Variants in MAST4 observed in about 807,000 individuals in gnomAD.
MAST4 encodes microtubule-associated serine/threonine-protein kinase 4.
Under a neutral mutation model 162.7 loss-of-function variants are expected in MAST4, and 89 were observed. That is an observed-to-expected ratio of 0.55 (90% CI 0.46 to 0.65). The LOEUF (loss-of-function observed/expected upper bound fraction) is 0.65. Ranked by LOEUF, MAST4 falls within the 30% of genes least tolerant of loss-of-function variation. The pLI, the probability that MAST4 is intolerant of heterozygous loss-of-function variation, is 0.00. For synonymous variants in MAST4, 1,479 were observed against 1,361.1 expected, an observed-to-expected ratio of 1.09 and a Z score of -1.91; for missense variants, 3,153 against 3,374.0, an observed-to-expected ratio of 0.93 and a Z score of 1.62.
Position 66,750,670 on chromosome 5 carries a change from T to C in MAST4, c.364-9039T>C, listed in dbSNP as rs573317552. On this transcript the variant is annotated intron_variant, in intron 1 of 28. Coordinates refer to ENST00000403625, the MANE Select transcript of MAST4 (RefSeq NM_001164664.2). ...ACGCCCACGGAGTCTCCCTGATTGCTAGCACAGCAGTCTGAGATCAAACTG... is the reference window on the plus strand; with the variant it reads ...ACGCCCACGGAGTCTCCCTGATTGCCAGCACAGCAGTCTGAGATCAAACTG... 3.3e-5 allele frequency among the ~76,000 whole-genome samples: 5 copies of C among 152,286 alleles called. No individual in the cohort carries two copies. In the South Asian group the frequency reaches 1.0e-3, roughly 32 times the overall value.
At position 66,773,563 on chromosome 5, in the gene MAST4, G is replaced by A. The variant is rs967969574; in HGVS notation, c.517+13701G>A. On this transcript the variant is annotated intron_variant, in intron 2 of 28. Transcript: ENST00000403625. ...ATGGTTTGTGTCCTCTCTAAAATTC[G>A]GGTGTTGCCAGTTTGATAGTATTTA... Among the ~76,000 whole-genome samples, 4 of 152,272 alleles carry A rather than the reference G, an allele frequency of 2.6e-5. No individual in the cohort carries two copies. In the East Asian group the frequency reaches 5.8e-4, roughly 22 times the overall value.
chr5:66,748,320 A>G (rs1752892591), intron 1 of MAST4, among the ~76,000 whole-genome samples: 1 of 151,524 alleles, frequency 6.6e-6, no homozygotes, highest in Admixed American at 6.6e-5. Flanking sequence ...GAAGGATGCT[A>G]TGCAATATAG....
intron 1 of MAST4, among the ~76,000 whole-genome samples, chr5:66,605,655 TTTA>T (rs1335571773): frequency 6.6e-6 from 1 of 152,122 alleles, no homozygotes; most frequent in Non-Finnish European, 1.5e-5. Flanking sequence ...GCTACCCTGG[TTTA>T]TTGTTGCTTG....
At chr5:66,958,823 T>C (rs987011360) in intron 4 of MAST4, 1 of 166,544 alleles carries the variant, frequency 6.0e-6, no homozygotes, top group Non-Finnish European at 1.3e-5. Flanking sequence ...TGGGGAATAG[T>C]TGACGTGTGC....
At chr5:66,766,063 CT>C (rs1404080372) in intron 2 of MAST4, among the ~76,000 whole-genome samples, 6 of 152,268 alleles carry the variant, frequency 3.9e-5, no homozygotes, top group Non-Finnish European at 8.8e-5. Flanking sequence ...TATAGAGACC[CT>C]TAAGTCTGGG....
intron 3 of MAST4, among the ~76,000 whole-genome samples, chr5:66,855,238 G>A (rs911793586): frequency 6.6e-6 from 1 of 152,128 alleles, no homozygotes; most frequent in African/African-American, 2.4e-5. Flanking sequence ...TTAAAAGTGT[G>A]TGGCATCTTC....
chr5:67,003,773 A>C (rs1751565843), intron 4 of MAST4: 1 of 152,208 alleles, frequency 6.6e-6, no homozygotes. Context: ...ACGTACTTGA[A>C]GGGGCAATAC....
intron 3 of MAST4, chr5:66,870,858 T>G (rs771394760): frequency 1.7e-5 from 8 of 471,274 alleles, no homozygotes; most frequent in South Asian, 1.2e-4. Flanking sequence ...CAAAAGTGAG[T>G]GTGTCCTGTT....
At chr5:66,659,723 A>G (rs1746782925) in intron 1 of MAST4, among the ~76,000 whole-genome samples, 1 of 152,266 alleles carries the variant, frequency 6.6e-6, no homozygotes, top group South Asian at 2.1e-4. Context: ...TGAAGAAAGC[A>G]TAGTCTTCAC....
chr5:66,798,886 C>T (rs1755781432), intron 3 of MAST4, among the ~76,000 whole-genome samples: 1 of 152,118 alleles, frequency 6.6e-6, no homozygotes, highest in Non-Finnish European at 1.5e-5. Flanking sequence ...TGTAAGTTGA[C>T]ATTTTTCCCC....
chr5:67,000,923 G>GT (rs1751222256), intron 4 of MAST4, among the ~76,000 whole-genome samples: 1 of 152,156 alleles, frequency 6.6e-6, no homozygotes, highest in Non-Finnish European at 1.5e-5. Flanking sequence ...TGACAAGCTT[G>GT]TTTTTTAGTT....
chr5:67,111,571 G>A lies in MAST4; in HGVS notation c.1458+1372G>A, dbSNP rs140656750. Among the ~76,000 whole-genome samples the A allele has an allele frequency of 3.9e-3, 594 of 152,236 alleles. 2 individuals are homozygous for A. Among genetic ancestry groups the A allele is most frequent in the Non-Finnish European group, 6.7e-3 (459 of 68,014 alleles). ...ATCTTGGATGCCTCAGAGAGAACTG[G>A]GTGACTGATAAATCCAGGTAGAATG... On this transcript the variant is annotated intron_variant, in intron 11 of 28. Transcript: ENST00000403625.
chr5:66,825,724 A>C (rs551386698), intron 3 of MAST4, among the ~76,000 whole-genome samples: 1 of 152,312 alleles, frequency 6.6e-6, no homozygotes, highest in South Asian at 2.1e-4. Flanking sequence ...AATTATGCCT[A>C]TAATAGAGTG....
intron 4 of MAST4, among the ~76,000 whole-genome samples, chr5:66,907,155 A>AAGAG (rs1763405694): frequency 3.6e-5 from 4 of 112,026 alleles, no homozygotes; most frequent in African/African-American, 1.4e-4. Flanking sequence ...ACTCTCAGCA[A>AAGAG]AGCGAGAGAG....
intron 5 of MAST4, among the ~76,000 whole-genome samples, chr5:67,068,699 AT>A (rs948249289): frequency 6.6e-6 from 1 of 151,874 alleles, no homozygotes; most frequent in African/African-American, 2.4e-5. Flanking sequence ...AAATACAGGC[AT>A]TTTTTTTGTT....
At chr5:66,628,093 G>A (rs2149417338) in intron 1 of MAST4, among the ~76,000 whole-genome samples, 1 of 152,258 alleles carries the variant, frequency 6.6e-6, no homozygotes, top group Admixed American at 6.5e-5. Context: ...GTGCAGTGGT[G>A]TAATTATAGC....
chr5:66,780,128 G>A (rs185920926), intron 2 of MAST4, among the ~76,000 whole-genome samples: 261 of 152,114 alleles, frequency 1.7e-3, no homozygotes, highest in Admixed American at 3.6e-3. Flanking sequence ...ATAATTTAAC[G>A]GCATTAAGTA....
At chr5:67,110,825 A>G (rs1766149232) in intron 11 of MAST4, among the ~76,000 whole-genome samples, 1 of 152,196 alleles carries the variant, frequency 6.6e-6, no homozygotes, top group Non-Finnish European at 1.5e-5. Flanking sequence ...GGAGTTCCAG[A>G]CCAGCCTGGC....
chr5:66,945,158 A>G (rs1312495769), intron 4 of MAST4, among the ~76,000 whole-genome samples: 2 of 152,160 alleles, frequency 1.3e-5, no homozygotes, highest in Non-Finnish European at 2.9e-5. Context: ...GTACAATGGT[A>G]TGACTTCCAT....
Sources: gnomAD v4.1 joint callset for allele counts (sites outside exome capture counted in the v4.1 genomes callset) on GRCh38, gnomAD v4.1.1 for gene constraint, MANE v1.5 for transcripts, NCBI Gene and HGNC (gene_info 2026-07-23, HGNC 2026-07-21) for gene names.